The following SLC8A1 variants were observed in gnomAD, a reference collection of about 807,000 sequenced individuals.
The protein encoded by SLC8A1 is sodium/calcium exchanger 1.
SLC8A1 carries 18 observed loss-of-function variants against 68.3 expected under a neutral mutation model. That is an observed-to-expected ratio of 0.26 (90% confidence interval 0.18 to 0.39). SLC8A1 has a LOEUF of 0.39. Ranked by LOEUF, SLC8A1 falls within the 10% of genes least tolerant of loss-of-function variation. The pLI, the probability that SLC8A1 is intolerant of heterozygous loss-of-function variation, is 1.00. For missense variants in SLC8A1, 985 were observed against 1,156.7 expected (o/e 0.85, Z 2.15); for synonymous variants, 475 against 415.5 (o/e 1.14, Z -1.74).
chr2:40,476,343 T>C (rs751898410), intron 1 of SLC8A1, among the ~76,000 whole-genome samples: 59 of 152,316 alleles, frequency 3.9e-4, no homozygotes, highest in Non-Finnish European at 6.9e-4. Context: ...GCATTCTTGA[T>C]ACCTGCTGGA....
At chr2:40,226,136 G>A (rs1433631679) in intron 2 of SLC8A1, among the ~76,000 whole-genome samples, 3 of 152,082 alleles carry the variant, frequency 2.0e-5, no homozygotes, top group African/African-American at 7.2e-5. Context: ...TAAAAGTCGG[G>A]CCTTGCTGTG....
At chr2:40,263,564 C>G (rs1167424182) in intron 2 of SLC8A1, among the ~76,000 whole-genome samples, 2 of 152,144 alleles carry the variant, frequency 1.3e-5, no homozygotes, top group Non-Finnish European at 1.5e-5. Context: ...CTACAACCAT[C>G]TGATCTTTGA....
chr2:40,124,026 C>A (rs1187351005), intron 7 of SLC8A1, among the ~76,000 whole-genome samples: 1 of 152,170 alleles, frequency 6.6e-6, no homozygotes, highest in Non-Finnish European at 1.5e-5. Flanking sequence ...ATTTCTGGAA[C>A]ATCCATCTCC....
At chr2:40,303,210 G>C (rs908831271) in intron 2 of SLC8A1, among the ~76,000 whole-genome samples, 1 of 152,140 alleles carries the variant, frequency 6.6e-6, no homozygotes, top group Admixed American at 6.5e-5. Context: ...GCCATTCTAG[G>C]TTTTGAAGTC....
At chr2:40,483,825 C>A (rs1045050966) in intron 1 of SLC8A1, among the ~76,000 whole-genome samples, 5 of 152,150 alleles carry the variant, frequency 3.3e-5, no homozygotes, top group Admixed American at 3.3e-4. Context: ...AGACAGTACA[C>A]TAAGAATGAC....
At chr2:40,479,330 A>G (rs992104879) in intron 1 of SLC8A1, among the ~76,000 whole-genome samples, 1 of 152,168 alleles carries the variant, frequency 6.6e-6, no homozygotes, top group Non-Finnish European at 1.5e-5. Context: ...GTCTTTGTCT[A>G]ATTATTTTAT....
At chr2:40,275,407 G>A (rs1244080124) in intron 2 of SLC8A1, among the ~76,000 whole-genome samples, 4 of 152,138 alleles carry the variant, frequency 2.6e-5, no homozygotes, top group Non-Finnish European at 5.9e-5. Flanking sequence ...CCTTAAATGA[G>A]TATATTACTT....
At chr2:40,503,957 C>T (rs1021841442) in intron 1 of SLC8A1, among the ~76,000 whole-genome samples, 3 of 151,844 alleles carry the variant, frequency 2.0e-5, no homozygotes, top group Non-Finnish European at 2.9e-5. Context: ...AAAAATAGTC[C>T]TAAAATTTAT....
intron 1 of SLC8A1, among the ~76,000 whole-genome samples, chr2:40,433,496 A>C (rs879696850): frequency 6.6e-6 from 1 of 152,182 alleles, no homozygotes; most frequent in East Asian, 1.9e-4. Context: ...AATTATATTT[A>C]ATATTTCCAT....
intron 2 of SLC8A1, among the ~76,000 whole-genome samples, chr2:40,375,602 G>C (rs1339907904): frequency 6.6e-6 from 1 of 152,092 alleles, no homozygotes. Flanking sequence ...AGTTGGCTAA[G>C]AGTGGTCTAG....
intron 6 of SLC8A1, among the ~76,000 whole-genome samples, chr2:40,151,216 TAGAGA>T (rs2043353925): frequency 6.6e-6 from 1 of 152,092 alleles, no homozygotes; most frequent in Non-Finnish European, 1.5e-5. Flanking sequence ...AAGTTTGACA[TAGAGA>T]AAACAAATGT....
At chr2:40,441,563 C>G (rs1440847398) in intron 1 of SLC8A1, among the ~76,000 whole-genome samples, 3 of 151,036 alleles carry the variant, frequency 2.0e-5, no homozygotes, top group Admixed American at 6.6e-5. Context: ...GGTACCAAAA[C>G]AGACATTATA....
At chr2:40,292,991 T>C (rs1332655313) in intron 2 of SLC8A1, among the ~76,000 whole-genome samples, 3 of 152,168 alleles carry the variant, frequency 2.0e-5, no homozygotes, top group African/African-American at 4.8e-5. Flanking sequence ...ATCTTAACTC[T>C]GGATCACTCT....
intron 2 of SLC8A1, among the ~76,000 whole-genome samples, chr2:40,308,693 G>C (rs1372566968): frequency 1.3e-5 from 2 of 152,112 alleles, no homozygotes; most frequent in African/African-American, 4.8e-5. Context: ...GGTGTATTGG[G>C]CTCGCAGTTA....
chr2:40,154,299 C>CTCTTT (rs1558547492), intron 6 of SLC8A1, among the ~76,000 whole-genome samples: 1 of 74,938 alleles, frequency 1.3e-5, no homozygotes. Context: ...TTTATTTATT[C>CTCTTT]TTTTTTTTTT....
At chr2:40,128,805 G>C (rs945631434) in intron 7 of SLC8A1, among the ~76,000 whole-genome samples, 2 of 152,180 alleles carry the variant, frequency 1.3e-5, no homozygotes, top group African/African-American at 4.8e-5. Context: ...TATAGAGAGA[G>C]ATTCTGTGAT....
In SLC8A1 at chr2:40,472,188, G is replaced by T. The variant is rs182171883; in HGVS notation, c.-25+40161C>A. 3.0e-3 allele frequency among the ~76,000 whole-genome samples: 461 copies of T among 152,232 alleles called. 20 individuals carry two copies. Among genetic ancestry groups the T allele is most frequent in the Admixed American group, 0.028 (430 of 15,284 alleles). On this transcript the variant is annotated intron_variant, in intron 1 of 7. Coordinates refer to the SLC8A1 transcript ENST00000402441. ...ACAACCTTGCAGTAAACTTACACACGCATATTGTGGAGTAAAGAAAAAAAC... is the reference window on the plus strand; with the variant it reads ...ACAACCTTGCAGTAAACTTACACACTCATATTGTGGAGTAAAGAAAAAAAC...
rs186367376 is a variant in SLC8A1 at position 40,273,037 on chromosome 2, G to A, written c.1809-95182C>T. Among the ~76,000 whole-genome samples, 3 of 152,288 alleles carry A rather than the reference G, an allele frequency of 2.0e-5. 1 individual carries two copies. Among genetic ancestry groups the A allele is most frequent in the Admixed American group, 1.3e-4 (2 of 15,292 alleles). ...GGCTCACTGCAACCTCCACCTCCCA[G>A]GTTCAAGTGATTCTCCTGCCTCAGC... On this transcript the variant is annotated intron_variant, in intron 2 of 7. Transcript: ENST00000406785.
At chr2:40,257,281 G>T (rs981169837) in intron 2 of SLC8A1, among the ~76,000 whole-genome samples, 1 of 152,070 alleles carries the variant, frequency 6.6e-6, no homozygotes, top group African/African-American at 2.4e-5. Flanking sequence ...TTCCTAACAC[G>T]CAAGCATACT....
Sources: allele counts gnomAD v4.1 joint callset (sites outside exome capture counted in the v4.1 genomes callset), GRCh38; gene constraint gnomAD v4.1.1; transcripts MANE v1.5; gene names NCBI Gene and HGNC (gene_info 2026-07-23, HGNC 2026-07-21).